The following NAV3 variants were observed in gnomAD, a reference collection of about 807,000 sequenced individuals.
NAV3 encodes neuron navigator 3, also known as pore membrane and/or filament interacting like protein 1.
A neutral mutation model predicts 244.7 loss-of-function variants in NAV3; 87 were observed. The observed-to-expected ratio is 0.36, with a 90% confidence interval of 0.30 to 0.42. The LOEUF is 0.42. Ranked by LOEUF, NAV3 falls within the 20% of genes least tolerant of loss-of-function variation. NAV3 has a pLI of 1.00. For missense variants in NAV3, 2,663 were observed against 2,893.3 expected (o/e 0.92, Z 1.83); for synonymous variants, 1,126 against 1,042.2 (o/e 1.08, Z -1.55).
chr12:77,940,375 C>A lies in NAV3; in HGVS notation c.300C>A (p.Ile100=), dbSNP rs2137469775. The change falls in exon 2 of 40, where the codon ATC becomes ATA. Residue 100 remains isoleucine, a synonymous_variant. Transcript: ENST00000397909. ...YLAKSGHKRL[I]KDLQQDIADG... is the part of the protein sequence containing the mutation. ...CAAAATCAGGCCACAAGCGGCTGAT[C>A]AAGGACTTGCAACAAGACATTGCAG... 6.2e-7 allele frequency: 1 copy of A among 1,613,936 alleles called. No homozygotes were observed. The highest frequency in any genetic ancestry group is 8.5e-7 in the Non-Finnish European group (1 of 1,179,854).
At chr12:78,012,008 C>T (rs1334794653) in intron 8 of NAV3, among the ~76,000 whole-genome samples, 1 of 147,478 alleles carries the variant, frequency 6.8e-6, no homozygotes, top group Non-Finnish European at 1.5e-5. Flanking sequence ...GGTCCCATCA[C>T]TTCCCACCAG....
chr12:77,696,525 C>T (rs1398814609), intron 2 of NAV3, among the ~76,000 whole-genome samples: 2 of 152,098 alleles, frequency 1.3e-5, no homozygotes, highest in East Asian at 3.9e-4. Context: ...ATGTCTAGCA[C>T]TTTGGAGAGA....
intron 2 of NAV3, among the ~76,000 whole-genome samples, chr12:77,688,318 G>A (rs954032481): frequency 6.6e-6 from 1 of 151,994 alleles, no homozygotes; most frequent in Non-Finnish European, 1.5e-5. Flanking sequence ...TGACCCCCTA[G>A]ATTAGGTTAG....
chr12:78,084,550 C>T (rs1953526486), intron 12 of NAV3, among the ~76,000 whole-genome samples: 1 of 152,028 alleles, frequency 6.6e-6, no homozygotes, highest in Non-Finnish European at 1.5e-5. Flanking sequence ...ACCCCAAACA[C>T]CCCTCCATTC....
intron 2 of NAV3, among the ~76,000 whole-genome samples, chr12:77,595,209 G>T (rs1870112654): frequency 6.6e-6 from 1 of 151,968 alleles, no homozygotes; most frequent in Non-Finnish European, 1.5e-5. Flanking sequence ...TATATATTAT[G>T]GAATATTGTT....
chr12:77,785,086 A>C (rs1168300586), intron 2 of NAV3, among the ~76,000 whole-genome samples: 1 of 152,162 alleles, frequency 6.6e-6, no homozygotes, highest in Non-Finnish European at 1.5e-5. Context: ...GAAATAATGC[A>C]GGTCAGTGAA....
intron 12 of NAV3, among the ~76,000 whole-genome samples, chr12:78,099,351 A>C (rs182534270): frequency 2.0e-3 from 309 of 151,874 alleles, no homozygotes; most frequent in African/African-American, 7.1e-3. Flanking sequence ...TATAATCAGC[A>C]GAGTGTTAAC....
intron 2 of NAV3, among the ~76,000 whole-genome samples, chr12:77,760,419 G>A (rs1792686164): frequency 6.6e-6 from 1 of 152,218 alleles, no homozygotes; most frequent in Non-Finnish European, 1.5e-5. Flanking sequence ...TTTCGAAGGA[G>A]AACGCTAAGC....
chr12:77,702,787 G>A (rs1875618690), intron 2 of NAV3, among the ~76,000 whole-genome samples: 1 of 151,664 alleles, frequency 6.6e-6, no homozygotes. Context: ...ACTTTAAATA[G>A]ACAAGAGTCT....
intron 2 of NAV3, among the ~76,000 whole-genome samples, chr12:77,787,269 A>T (rs936478409): frequency 2.0e-5 from 3 of 152,152 alleles, no homozygotes; most frequent in Non-Finnish European, 4.4e-5. Context: ...ATAAGCTTCC[A>T]CCTACTAACA....
rs533048769 is a variant in NAV3 at position 77,958,004 on chromosome 12, T to C, written c.415-8225T>C. The stretch of plus-strand genomic sequence containing the variant: ...TAATACACACTCTATGGTTGATATG[T>C]CAAGAACACGTGTTAACTCTCAGGT... On this transcript the variant is annotated intron_variant, in intron 3 of 39. Coordinates refer to ENST00000397909, the MANE Select transcript of NAV3 (RefSeq NM_001024383.2). Among the ~76,000 whole-genome samples, 3 of 152,306 alleles carry C rather than the reference T, an allele frequency of 2.0e-5. No individual in the cohort carries two copies. In the South Asian group the frequency reaches 6.2e-4, roughly 32 times the overall value.
chr12:77,897,173 A>G (rs1421699641), intron 1 of NAV3, among the ~76,000 whole-genome samples: 1 of 152,216 alleles, frequency 6.6e-6, no homozygotes, highest in Non-Finnish European at 1.5e-5. Context: ...ATTTTTCTCC[A>G]AAGACCATGA....
chr12:78,140,888 A>G (rs1411276091), intron 20 of NAV3, among the ~76,000 whole-genome samples: 1 of 149,706 alleles, frequency 6.7e-6, no homozygotes, highest in Non-Finnish European at 1.5e-5. Context: ...ATTTTATTTT[A>G]TTTATTTATT....
At chr12:77,735,722 T>C (rs1397078207) in intron 2 of NAV3, among the ~76,000 whole-genome samples, 3 of 152,164 alleles carry the variant, frequency 2.0e-5, no homozygotes, top group African/African-American at 7.2e-5. Flanking sequence ...TAAAATTGGA[T>C]TTTGCAAGGA....
intron 20 of NAV3, among the ~76,000 whole-genome samples, chr12:78,142,262 T>A (rs1162862242): frequency 6.6e-6 from 1 of 152,060 alleles, no homozygotes; most frequent in Non-Finnish European, 1.5e-5. Context: ...TATTAAAGAT[T>A]TTTTTGAAAA....
intron 2 of NAV3, among the ~76,000 whole-genome samples, chr12:77,776,949 C>T (rs1266341373): frequency 1.3e-5 from 2 of 152,234 alleles, no homozygotes; most frequent in East Asian, 1.9e-4. Flanking sequence ...CTTAAGCATA[C>T]GTTTAATAGG....
At chr12:78,197,707 A>G (rs1274671731) in intron 35 of NAV3, among the ~76,000 whole-genome samples, 7 of 151,886 alleles carry the variant, frequency 4.6e-5, no homozygotes, top group African/African-American at 7.2e-5. Context: ...TAAAGACTCC[A>G]TATGCATTCC....
intron 2 of NAV3, among the ~76,000 whole-genome samples, chr12:77,617,150 A>G (rs1247627790): frequency 5.3e-5 from 8 of 152,152 alleles, no homozygotes. Context: ...GCTAGGGTAT[A>G]CTGGACAATT....
chr12:78,055,543 G>T (rs1290516205), intron 11 of NAV3, among the ~76,000 whole-genome samples: 1 of 152,164 alleles, frequency 6.6e-6, no homozygotes, highest in African/African-American at 2.4e-5. Flanking sequence ...AACCCTCGCT[G>T]ATGTTTCTGA....
Sources: gnomAD v4.1 joint callset for allele counts (sites outside exome capture counted in the v4.1 genomes callset) on GRCh38, gnomAD v4.1.1 for gene constraint, MANE v1.5 for transcripts, NCBI Gene and HGNC (gene_info 2026-07-23, HGNC 2026-07-21) for gene names.